KIZ: variants seen among roughly 807,000 people sequenced by gnomAD.
KIZ encodes centrosomal protein kizuna.
Under a neutral mutation model 79.6 loss-of-function variants are expected in KIZ, and 68 were observed. The observed-to-expected ratio is 0.85, with a 90% CI of 0.70 to 1.05. The LOEUF is 1.05. KIZ is among the 50% of genes least tolerant of loss of function. The pLI is 0.00. For synonymous variants in KIZ, 280 were observed against 281.8 expected (o/e 0.99, Z 0.06); for missense variants, 797 against 800.4 (o/e 1.00, Z 0.05).
At chr20:21,133,764 G>C (rs1352249111) in intron 2 of KIZ, among the ~76,000 whole-genome samples, 6 of 152,226 alleles carry the variant, frequency 3.9e-5, no homozygotes, top group African/African-American at 1.2e-4. Flanking sequence ...AAATTGGAGA[G>C]CAGGGCTGGG....
In KIZ at chr20:21,162,968, G is replaced by A. The variant is rs769709305; in HGVS notation, c.1161G>A (p.Leu387=). The A allele has an allele frequency of 1.4e-5, 23 of 1,613,836 alleles. No homozygotes were observed. Among genetic ancestry groups the A allele is most frequent in the Non-Finnish European group, 1.1e-5 (13 of 1,179,820 alleles). The part of the protein sequence containing the change: ...DLTISISEDD[L]ILESPEPQPN... ...CCATTTCAATAAGTGAAGATGATCT[G>A]ATTTTAGAGAGCCCAGAACCACAGC... The change falls in exon 6 of 13, where the codon CTG becomes CTA. Residue 387 remains leucine (L), a synonymous_variant. Coordinates refer to ENST00000619189, the MANE Select transcript of KIZ (RefSeq NM_018474.6).
At chr20:21,165,912 C>T (rs994154387) in intron 6 of KIZ, among the ~76,000 whole-genome samples, 3 of 152,208 alleles carry the variant, frequency 2.0e-5, no homozygotes, top group Admixed American at 2.0e-4. Flanking sequence ...TATTCTGCCT[C>T]AGCCTTACAA....
At chr20:21,159,268 C>T (rs1167424536) in intron 4 of KIZ, among the ~76,000 whole-genome samples, 1 of 152,130 alleles carries the variant, frequency 6.6e-6, no homozygotes, top group African/African-American at 2.4e-5. Context: ...ATCCTCCCAT[C>T]TCAGCCTCAG....
chr20:21,232,483 CTT>C (rs1042165416), intron 10 of KIZ, among the ~76,000 whole-genome samples: 1 of 152,192 alleles, frequency 6.6e-6, no homozygotes, highest in African/African-American at 2.4e-5. Context: ...AAATTGAACT[CTT>C]TGGATGATTT....
At chr20:21,177,085 G>A (rs1050772401) in intron 6 of KIZ, among the ~76,000 whole-genome samples, 5 of 151,488 alleles carry the variant, frequency 3.3e-5, no homozygotes, top group Admixed American at 3.3e-4. Flanking sequence ...ACTTCTTTGA[G>A]ATCCTTATTT....
At chr20:21,128,062 G>A (rs2031597287) in intron 1 of KIZ, among the ~76,000 whole-genome samples, 1 of 152,222 alleles carries the variant, frequency 6.6e-6, no homozygotes, top group Non-Finnish European at 1.5e-5. Context: ...ACCCAGGCTG[G>A]AGTGCAATGG....
At chr20:21,199,575 A>G (rs1269930987) in intron 6 of KIZ, among the ~76,000 whole-genome samples, 1 of 152,186 alleles carries the variant, frequency 6.6e-6, no homozygotes, top group African/African-American at 2.4e-5. Context: ...TCAGGTCTTT[A>G]AACACAGATT....
intron 4 of KIZ, among the ~76,000 whole-genome samples, chr20:21,161,113 T>G (rs928667397): frequency 3.3e-5 from 5 of 152,230 alleles, no homozygotes; most frequent in African/African-American, 1.2e-4. Context: ...TATGTGTTTA[T>G]TGGCCATTCA....
intron 9 of KIZ, among the ~76,000 whole-genome samples, chr20:21,220,323 T>G (rs1207814286): frequency 3.9e-5 from 6 of 152,000 alleles, no homozygotes; most frequent in Non-Finnish European, 1.5e-5. Flanking sequence ...ACATTAGTAC[T>G]CACCCTACAA....
chr20:21,215,698 A>G, intron 9 of KIZ, 50 bp downstream of exon 9: 1 of 1,276,842 alleles, frequency 7.8e-7, no homozygotes, highest in African/African-American at 1.5e-5. Context: ...TAGCATTATT[A>G]TATAAGCGGA....
intron 6 of KIZ, among the ~76,000 whole-genome samples, chr20:21,203,212 C>T (rs937355169): frequency 1.3e-5 from 2 of 152,092 alleles, no homozygotes; most frequent in Admixed American, 1.3e-4. Context: ...ACATTCCCTC[C>T]CTCCTTTTTT....
chr20:21,132,714 A>T (rs994897899), intron 2 of KIZ, among the ~76,000 whole-genome samples: 2 of 152,226 alleles, frequency 1.3e-5, no homozygotes, highest in African/African-American at 4.8e-5. Context: ...TCATTATTTC[A>T]TATTTGTTTT....
At chr20:21,206,138 T>C (rs1481663510) in intron 7 of KIZ, among the ~76,000 whole-genome samples, 1 of 152,222 alleles carries the variant, frequency 6.6e-6, no homozygotes, top group Non-Finnish European at 1.5e-5. Flanking sequence ...CAAAGCATCT[T>C]ATAACACTCT....
chr20:21,126,062 C>T (rs1008696060), upstream of KIZ: 7 of 1,402,354 alleles, frequency 5.0e-6, no homozygotes, highest in African/African-American at 6.3e-5. Flanking sequence ...CCTTCGGCAA[C>T]CCCGGCCGAA....
chr20:21,233,324 A>G (rs777211128), intron 11 of KIZ, among the ~76,000 whole-genome samples: 7 of 152,016 alleles, frequency 4.6e-5, no homozygotes, highest in Admixed American at 2.0e-4. Flanking sequence ...CTTATTTTCC[A>G]TAAAGAACAA....
At chr20:21,243,307 T>C (rs1355855449) in intron 11 of KIZ, among the ~76,000 whole-genome samples, 1 of 93,610 alleles carries the variant, frequency 1.1e-5, no homozygotes, top group African/African-American at 2.9e-5. Context: ...CATGTTTTTC[T>C]GAAAAAAAAA....
intron 6 of KIZ, among the ~76,000 whole-genome samples, chr20:21,176,709 A>T (rs2034451529): frequency 6.6e-6 from 1 of 152,204 alleles, no homozygotes; most frequent in Non-Finnish European, 1.5e-5. Flanking sequence ...CTAGAGCTCT[A>T]AAGGAAAAAG....
At chr20:21,141,835 T>A (rs1426071836) in intron 3 of KIZ, among the ~76,000 whole-genome samples, 12 of 146,480 alleles carry the variant, frequency 8.2e-5, no homozygotes, top group African/African-American at 2.8e-4. Flanking sequence ...TCTCTCTCTC[T>A]CTCTCTCTCT....
intron 12 of KIZ, 178 bp from the exon 13 acceptor site, chr20:21,246,301 T>C (rs2037383896): frequency 1.7e-6 from 1 of 603,172 alleles, no homozygotes; most frequent in African/African-American, 1.9e-5. Context: ...TTGCAATGTG[T>C]AATTTGTGCA....
Sources: gnomAD v4.1 joint callset for allele counts (sites outside exome capture counted in the v4.1 genomes callset) on GRCh38, gnomAD v4.1.1 for gene constraint, MANE v1.5 for transcripts, NCBI Gene and HGNC (gene_info 2026-07-23, HGNC 2026-07-21) for gene names.